TSC2: variants seen among roughly 807,000 people sequenced by gnomAD.
The protein encoded by TSC2 is tuberin.
In TSC2, 29 loss-of-function variants were observed where a neutral mutation model predicts 202.2. The observed-to-expected ratio is 0.14, with a 90% confidence interval of 0.11 to 0.20. TSC2 has a LOEUF of 0.20. Among genes scored for constraint, TSC2 ranks in the 10% least tolerant of loss-of-function variants. The pLI is 1.00. For synonymous variants in TSC2, 1,349 were observed against 1,044.0 expected, an observed-to-expected ratio of 1.29 and a Z score of -5.63; for missense variants, 2,429 against 2,420.0, an observed-to-expected ratio of 1.00 and a Z score of -0.08.
At chr16:2,075,740 G>GC in intron 22 of TSC2, 59 bp from the exon 23 acceptor site, 1 of 1,568,438 alleles carries the variant, frequency 6.4e-7, no homozygotes, top group Non-Finnish European at 8.7e-7. Flanking sequence ...AGCCGTGTTG[G>GC]CCTTCAGAGG....
intron 1 of TSC2, chr16:2,048,369 A>G (rs1596231977): frequency 1.2e-6 from 1 of 855,308 alleles, no homozygotes; most frequent in Non-Finnish European, 1.9e-6. Context: ...GCAGCGTCTG[A>G]GTAGAGAGCT....
chr16:2,077,919 T>C (rs1423293704), intron 26 of TSC2, among the ~76,000 whole-genome samples, 193 bp downstream of exon 26: 1 of 152,108 alleles, frequency 6.6e-6, no homozygotes, highest in African/African-American at 2.4e-5. Flanking sequence ...ACGGGCTGGT[T>C]GCACGCATCC....
At position 2,086,106 on chromosome 16, in the gene TSC2, G is replaced by A. The variant is rs1196559160; in HGVS notation, c.4663-87G>A. ...CCTCAGGGATCAGAGTGGGGCTCCC[G>A]GCAGAGCCTGCTGGGCACCCCCACC... On this transcript the variant is annotated intron_variant, in intron 36 of 41. Coordinates refer to ENST00000219476, the MANE Select transcript of TSC2 (RefSeq NM_000548.5). The A allele has an allele frequency of 2.1e-5, 32 of 1,519,022 alleles. No individual in the cohort carries two copies. In the Middle Eastern group the frequency reaches 7.9e-4, roughly 37 times the overall value. The allele number at this position is 1,519,022 out of a possible 1,614,324, so 94.1% of individuals were successfully genotyped here. A position where few individuals can be genotyped will look rare whatever the true frequency, so the allele number is the denominator to read the frequency against.
Position 2,080,993 on chromosome 16 carries a change from C to T in TSC2, c.3611-602C>T, listed in dbSNP as rs576401159. 3 of 173,730 alleles carry T rather than the reference C, an allele frequency of 1.7e-5. No homozygotes were observed. The South Asian group carries it at 4.0e-4, about 23-fold the overall frequency. 10.8% of individuals were successfully genotyped at this position (173,730 alleles called of 1,614,324 possible). ...TCCTTGGCATGCAGTTGGTTTTTTC[C>T]CTGTGTCCTCACAGGCTCTTTCCTG... On this transcript the variant is annotated intron_variant, in intron 30 of 41. Coordinates refer to ENST00000219476, the MANE Select transcript of TSC2 (RefSeq NM_000548.5).
rs2151042628 is a variant in TSC2 at position 2,054,373 on chromosome 16, A to G, written c.414A>G (p.Glu138=). 6.2e-7 allele frequency: 1 copy of G among 1,614,214 alleles called. No homozygotes were observed. The highest frequency in any genetic ancestry group is 8.5e-7 in the Non-Finnish European group (1 of 1,180,024). The part of the protein sequence containing the change: ...KDYPSNEDLH[E]RLEVFKALTD... The stretch of plus-strand genomic sequence containing the variant: ...ACCCTTCCAACGAAGACCTTCACGA[A>G]AGGCTGGAGGTTTTCAAGGCCCTCA... Residue 138 remains glutamate, a synonymous_variant, in exon 5 of 42, where the codon GAA becomes GAG. Transcript: ENST00000219476.
intron 25 of TSC2, 171 bp downstream of exon 25, chr16:2,076,756 AGCAGGTTG>A (rs1197788236): frequency 2.2e-5 from 15 of 693,360 alleles, no homozygotes; most frequent in Non-Finnish European, 3.6e-5. Context: ...TCAGCCCCTC[AGCAGGTTG>A]GCCGTGGTGG....
intron 25 of TSC2, among the ~76,000 whole-genome samples, chr16:2,076,961 A>T (rs1423015093): frequency 6.6e-6 from 1 of 152,150 alleles, no homozygotes; most frequent in Non-Finnish European, 1.5e-5. Context: ...GACCGCAAAG[A>T]GCTGAGCCAG....
chr16:2,078,915 G>A, intron 26 of TSC2, 117 bp from the exon 27 acceptor site: 2 of 1,392,440 alleles, frequency 1.4e-6, no homozygotes, highest in South Asian at 1.2e-5. Flanking sequence ...ACGCCCTGTT[G>A]GGGTCTTTCC....
intron 10 of TSC2, among the ~76,000 whole-genome samples, chr16:2,060,052 C>T (rs913897969): frequency 1.3e-5 from 2 of 152,166 alleles, no homozygotes; most frequent in African/African-American, 2.4e-5. Flanking sequence ...CGGGGGTAGC[C>T]GTTCTCTTGC....
chr16:2,071,404 T>C, intron 17 of TSC2, 106 bp from the exon 18 acceptor site: 2 of 1,203,438 alleles, frequency 1.7e-6, no homozygotes, highest in Non-Finnish European at 2.4e-6. Flanking sequence ...CAGGTGGCCT[T>C]TTCTGAGTGC....
At position 2,083,468 on chromosome 16, in the gene TSC2, G is replaced by A. The variant is rs538449858; in HGVS notation, c.3884-227G>A. 706 of 723,780 alleles carry A rather than the reference G, an allele frequency of 9.8e-4. 3 individuals carry two copies. Among genetic ancestry groups the A allele is most frequent in the Non-Finnish European group, 1.4e-3 (591 of 424,740 alleles). The allele number at this position is 723,780 out of a possible 1,614,324, so 44.8% of individuals were successfully genotyped here. On this transcript the variant is annotated intron_variant, in intron 32 of 41. Transcript: ENST00000219476. Reference sequence around the variant, plus strand: ...CTAGGGTGGGCAGAGCCGATTGCCTGCCCAACCCCCGGGCACTCATGCAGG... The same window carrying A: ...CTAGGGTGGGCAGAGCCGATTGCCTACCCAACCCCCGGGCACTCATGCAGG...
rs760153227 is a variant in TSC2, at chr16:2,080,380, A to T, written c.3610+3A>T. 3 of 1,611,058 alleles carry T rather than the reference A, an allele frequency of 1.9e-6. No homozygotes were observed. The African/African-American group carries it at 4.0e-5, about 22-fold the overall frequency. ...GATCCTGGTCCGGAGGCCCACAGGTACTGGGCGGGGCTGGCCTGAGCGCCA... is the reference window on the plus strand; with the variant it reads ...GATCCTGGTCCGGAGGCCCACAGGTTCTGGGCGGGGCTGGCCTGAGCGCCA... On this transcript the variant is annotated splice_donor_region_variant and intron_variant, in intron 30 of 41. Coordinates refer to ENST00000219476, the MANE Select transcript of TSC2 (RefSeq NM_000548.5).
intron 21 of TSC2, among the ~76,000 whole-genome samples, 154 bp downstream of exon 21, chr16:2,073,137 G>A (rs1258567002): frequency 1.3e-5 from 2 of 152,238 alleles, no homozygotes; most frequent in Non-Finnish European, 2.9e-5. Flanking sequence ...CAGATGCCCA[G>A]AGTGGGGACA....
At chr16:2,075,540 A>AC (rs2089196318) in intron 22 of TSC2, among the ~76,000 whole-genome samples, 1 of 151,284 alleles carries the variant, frequency 6.6e-6, no homozygotes, top group East Asian at 1.9e-4. Flanking sequence ...AAAAAAAAAA[A>AC]AAAAAAAAAA....
Position 2,079,012 on chromosome 16 carries a change from G to A in TSC2, c.2967-20G>A. On this transcript the variant is annotated intron_variant, in intron 26 of 41. Coordinates refer to ENST00000219476, the MANE Select transcript of TSC2 (RefSeq NM_000548.5). The surrounding 1 kb of genome is among the most constrained non-coding windows in gnomAD (Gnocchi z 4.6). ...CGCCCTACCTGGCACCCTGACCCTGGTCACGGCCTCTCCCTCCAGCAGGAT... is the reference window on the plus strand; with the variant it reads ...CGCCCTACCTGGCACCCTGACCCTGATCACGGCCTCTCCCTCCAGCAGGAT... 7 of 1,611,942 alleles carry A rather than the reference G, an allele frequency of 4.3e-6. No homozygotes were observed. The highest frequency in any genetic ancestry group is 5.9e-6 in the Non-Finnish European group (7 of 1,179,982).
chr16:2,081,771 C>A lies in TSC2; in HGVS notation c.3787C>A (p.Pro1263Thr). ...GGTGCCGGCAGCCAGCACGGCCAAA[C>A]CCCCTCCTCTGCCTCGCTCCAACAC... ...LSVPAASTAK[P>T]PPLPRSNTVA... is the part of the protein sequence containing the mutation. Residue 1263 changes from proline to threonine, a missense_variant, in exon 31 of 42, where the codon CCC (proline) becomes ACC (threonine). Pro to Thr is a conservative substitution (Grantham distance 38, BLOSUM62 -1). Coordinates refer to ENST00000219476, the MANE Select transcript of TSC2 (RefSeq NM_000548.5). 6.2e-7 allele frequency: 1 copy of A among 1,612,658 alleles called. No individual in the cohort carries two copies. The highest frequency in any genetic ancestry group is 8.5e-7 in the Non-Finnish European group (1 of 1,179,988).
rs555453899 is a variant in TSC2, at chr16:2,089,376, C to A, written c.*766C>A. 637 of 399,422 alleles carry A rather than the reference C, an allele frequency of 1.6e-3. 2 individuals are homozygous for A. Among genetic ancestry groups the A allele is most frequent in the African/African-American group, 0.012 (592 of 49,662 alleles). 24.7% of individuals were successfully genotyped at this position (399,422 alleles called of 1,614,324 possible). A position where few individuals can be genotyped will look rare whatever the true frequency, so the allele number is the denominator to read the frequency against. On this transcript the variant is annotated 3_prime_UTR_variant, in exon 42 of 42. Transcript: ENST00000219476. ...AGGGTGGCGGCGGTGCAGGCTAACCCTCCCTGAAGCCAGCAGCCTTAGCAG... is the reference window on the plus strand; with the variant it reads ...AGGGTGGCGGCGGTGCAGGCTAACCATCCCTGAAGCCAGCAGCCTTAGCAG...
intron 20 of TSC2, 39 bp from the exon 21 acceptor site, chr16:2,072,810 C>A: frequency 6.2e-7 from 1 of 1,612,836 alleles, no homozygotes; most frequent in South Asian, 1.1e-5. Context: ...CGTGACCTGG[C>A]CGCTGGGGAG....
rs1596385920 is a variant in TSC2 at position 2,079,593 on chromosome 16, G to A, written c.3321G>A (p.Glu1107=). 6.2e-7 allele frequency: 1 copy of A among 1,611,694 alleles called. No individual in the cohort carries two copies. Among genetic ancestry groups the A allele is most frequent in the Non-Finnish European group, 8.5e-7 (1 of 1,179,568 alleles). ...SPGVHVRQTK[E]APAKLESQAG... ...GGGTGCATGTGAGACAGACCAAGGAGGCGCCGGCCAAGCTGGAGTCCCAGG... is the reference window on the plus strand; with the variant it reads ...GGGTGCATGTGAGACAGACCAAGGAAGCGCCGGCCAAGCTGGAGTCCCAGG... Residue 1107 remains glutamate (E), a synonymous_variant, in exon 29 of 42, where the codon GAG becomes GAA. Transcript: ENST00000219476. The surrounding 1 kb of genome is among the most constrained non-coding windows in gnomAD (Gnocchi z 4.6).
Sources: gnomAD v4.1 joint callset for allele counts (sites outside exome capture counted in the v4.1 genomes callset) on GRCh38, gnomAD v4.1.1 for gene constraint, Gnocchi (gnomAD v3.1) non-coding constraint, MANE v1.5 for transcripts, NCBI Gene and HGNC (gene_info 2026-07-23, HGNC 2026-07-21) for gene names.